The following SLC8A1 variants were observed in gnomAD, a reference collection of about 807,000 sequenced individuals.
SLC8A1 encodes solute carrier family 8 member A1, also known as sodium/calcium exchanger 1.
In SLC8A1, 18 loss-of-function variants were observed where a neutral mutation model predicts 68.3. The observed-to-expected ratio is 0.26, with a 90% CI of 0.18 to 0.39. The LOEUF (loss-of-function observed/expected upper bound fraction) is 0.39, where lower values mean the gene tolerates loss of function less well. Ranked by LOEUF, SLC8A1 falls within the 10% of genes least tolerant of loss-of-function variation. SLC8A1 has a pLI of 1.00. For missense variants in SLC8A1, 985 were observed against 1,156.7 expected, an observed-to-expected ratio of 0.85 and a Z score of 2.15; for synonymous variants, 475 against 415.5, an observed-to-expected ratio of 1.14 and a Z score of -1.74.
At chr2:40,386,317 G>T (rs1013062716) in intron 2 of SLC8A1, among the ~76,000 whole-genome samples, 2 of 150,746 alleles carry the variant, frequency 1.3e-5, no homozygotes, top group African/African-American at 4.9e-5. Flanking sequence ...CTTTCAAATG[G>T]TAAATGTGTG....
intron 2 of SLC8A1, among the ~76,000 whole-genome samples, chr2:40,300,445 A>T (rs137922159): frequency 8.8e-4 from 134 of 152,286 alleles, no homozygotes; most frequent in African/African-American, 2.9e-3. Flanking sequence ...GTTCCATTCC[A>T]TAAAAAAAAA....
chr2:40,139,752 C>A (rs952136167), intron 6 of SLC8A1, 76 bp from the exon 10 acceptor site: 1 of 1,500,624 alleles, frequency 6.7e-7, no homozygotes, highest in African/African-American at 1.4e-5. Flanking sequence ...TCTCTCCTAT[C>A]TAGGTCGGTC....
intron 7 of SLC8A1, among the ~76,000 whole-genome samples, chr2:40,116,316 A>T (rs1043517705): frequency 1.3e-5 from 2 of 152,066 alleles, no homozygotes; most frequent in Non-Finnish European, 2.9e-5. Context: ...TTTTATTATT[A>T]TTTTTTATTA....
chr2:40,469,023 A>C (rs1703856802), intron 1 of SLC8A1, among the ~76,000 whole-genome samples: 1 of 152,176 alleles, frequency 6.6e-6, no homozygotes, highest in South Asian at 2.1e-4. Flanking sequence ...TCTGTATTTC[A>C]TAAGTGCAAA....
chr2:40,478,398 T>G (rs917595531), intron 1 of SLC8A1, among the ~76,000 whole-genome samples: 1 of 152,226 alleles, frequency 6.6e-6, no homozygotes, highest in Admixed American at 6.5e-5. Flanking sequence ...AAACTCAATA[T>G]GACCTTTACA....
chr2:40,242,061 T>C (rs59751637), intron 2 of SLC8A1, among the ~76,000 whole-genome samples: 14,978 of 152,164 alleles, frequency 0.098, 1,093 homozygotes, highest in East Asian at 0.29. Context: ...GATGGGGCTA[T>C]GATGTCTCCA....
intron 1 of SLC8A1, among the ~76,000 whole-genome samples, chr2:40,435,749 T>G (rs1699273661): frequency 6.6e-6 from 1 of 152,032 alleles, no homozygotes; most frequent in Non-Finnish European, 1.5e-5. Flanking sequence ...TTCCCCTACT[T>G]TATTTTTCGA....
intron 7 of SLC8A1, among the ~76,000 whole-genome samples, chr2:40,134,245 C>T (rs2040056351): frequency 1.3e-5 from 2 of 152,132 alleles, no homozygotes; most frequent in Admixed American, 6.5e-5. Flanking sequence ...GTGCCCACCA[C>T]CACGCCCAGC....
At chr2:40,151,825 C>G (rs1299850237) in intron 6 of SLC8A1, among the ~76,000 whole-genome samples, 2 of 152,076 alleles carry the variant, frequency 1.3e-5, no homozygotes, top group African/African-American at 2.4e-5. Flanking sequence ...TAGTGAGTGG[C>G]ATTGTGAGGT....
intron 2 of SLC8A1, among the ~76,000 whole-genome samples, chr2:40,325,020 A>T (rs2075649213): frequency 1.3e-5 from 2 of 151,960 alleles, no homozygotes; most frequent in African/African-American, 2.4e-5. Context: ...TCTCCAAGGA[A>T]TCCCCACCAC....
At chr2:40,440,264 T>C (rs554310443) in intron 1 of SLC8A1, among the ~76,000 whole-genome samples, 2 of 152,282 alleles carry the variant, frequency 1.3e-5, no homozygotes, top group African/African-American at 2.4e-5. Flanking sequence ...TTATTGTCTT[T>C]TGGTGACAGA....
chr2:40,357,796 C>T (rs1673192422), intron 2 of SLC8A1, among the ~76,000 whole-genome samples: 1 of 152,082 alleles, frequency 6.6e-6, no homozygotes, highest in Admixed American at 6.6e-5. Flanking sequence ...ATACGACATT[C>T]CTTTAGTGCA....
rs561136586 is a variant in SLC8A1 at position 40,268,821 on chromosome 2, A to C, written c.1809-90966T>G. Among the ~76,000 whole-genome samples the C allele has an allele frequency of 8.5e-5, 13 of 152,262 alleles. No homozygotes were observed. The East Asian group carries it at 1.2e-3, about 14-fold the overall frequency. ...CACTTAAGGAAAAAAAGTTCCAATC[A>C]CAATAAAACACATAAAACAAATTAT... On this transcript the variant is annotated intron_variant, in intron 2 of 7. Coordinates refer to ENST00000406785, the Ensembl canonical transcript of SLC8A1.
intron 2 of SLC8A1, among the ~76,000 whole-genome samples, chr2:40,366,741 C>T (rs1181228672): frequency 2.6e-5 from 4 of 151,008 alleles, no homozygotes; most frequent in Non-Finnish European, 5.9e-5. Flanking sequence ...TATGATCTCC[C>T]TACAATGTTA....
intron 7 of SLC8A1, among the ~76,000 whole-genome samples, chr2:40,123,623 T>A (rs1020417756): frequency 6.6e-6 from 1 of 152,238 alleles, no homozygotes; most frequent in African/African-American, 2.4e-5. Context: ...GAACTTGCTT[T>A]TAAAATAGCA....
At chr2:40,188,932 G>A (rs566117977) in intron 2 of SLC8A1, among the ~76,000 whole-genome samples, 35 of 152,124 alleles carry the variant, frequency 2.3e-4, no homozygotes, top group Non-Finnish European at 4.9e-4. Flanking sequence ...GTGAATTGGT[G>A]CTGATTTTTA....
intron 3 of SLC8A1, among the ~76,000 whole-genome samples, chr2:40,176,481 T>C (rs1209271011): frequency 1.3e-5 from 2 of 152,320 alleles, no homozygotes; most frequent in Non-Finnish European, 2.9e-5. Context: ...CATAATTTTC[T>C]GGTCTCTTTT....
intron 2 of SLC8A1, among the ~76,000 whole-genome samples, chr2:40,279,853 C>A (rs150169054): frequency 1.3e-3 from 192 of 152,274 alleles, no homozygotes; most frequent in African/African-American, 4.3e-3. Context: ...CACCAATCTC[C>A]TATTGTATGC....
intron 2 of SLC8A1, among the ~76,000 whole-genome samples, chr2:40,327,743 C>G (rs1213118713): frequency 6.6e-6 from 1 of 152,006 alleles, no homozygotes; most frequent in Admixed American, 6.6e-5. Flanking sequence ...TAATACGACA[C>G]TGGGGACTCC....
Sources: allele counts gnomAD v4.1 joint callset (sites outside exome capture counted in the v4.1 genomes callset), GRCh38; gene constraint gnomAD v4.1.1; transcripts MANE v1.5; gene names NCBI Gene and HGNC (gene_info 2026-07-23, HGNC 2026-07-21).